RAP1B: variants seen among roughly 807,000 people sequenced by gnomAD.
RAP1B encodes RAP1B, member of RAS oncogene family.
In RAP1B, 1 loss-of-function variant was observed where a neutral mutation model predicts 27.5. That is an observed-to-expected ratio of 0.04 (90% CI 0.01 to 0.17). RAP1B has a LOEUF of 0.17. RAP1B is among the 10% of genes least tolerant of loss of function. The pLI, the probability that RAP1B is intolerant of heterozygous loss-of-function variation, is 1.00. For synonymous variants in RAP1B, 75 were observed against 73.1 expected (o/e 1.03, Z -0.13); for missense variants, 84 against 214.8 (o/e 0.39, Z 3.81).
In RAP1B at chr12:68,665,498, A is replaced by T. The variant is rs976725251; in HGVS notation, c.*6249A>T. On this transcript the variant is annotated 3_prime_UTR_variant, in exon 8 of 8. Transcript: ENST00000250559. ...AAAGCCTGGCCTAAACAGTCTTGGGATGGGGAGAAGGGTTGGAGTACAAAG... is the reference window on the plus strand; with the variant it reads ...AAAGCCTGGCCTAAACAGTCTTGGGTTGGGGAGAAGGGTTGGAGTACAAAG... 1 of 152,204 alleles carries T rather than the reference A, an allele frequency of 6.6e-6. No homozygotes were observed. 9.4% of individuals were successfully genotyped at this position (152,204 alleles called of 1,614,324 possible).
chr12:68,632,160 T>TTTTTTTTTTTTTTC, intron 1 of RAP1B, among the ~76,000 whole-genome samples: 1 of 144,724 alleles, frequency 6.9e-6, no homozygotes, highest in Non-Finnish European at 1.5e-5. Flanking sequence ...GTTTTTTTTT[T>TTTTTTTTTTTTTTC]CCAGACTGTT....
At chr12:68,628,173 A>G (rs776647386) in intron 1 of RAP1B, among the ~76,000 whole-genome samples, 76 of 152,298 alleles carry the variant, frequency 5.0e-4, no homozygotes, top group Non-Finnish European at 9.0e-4. Context: ...GGGCACAAGT[A>G]CTTGACCTAG....
chr12:68,657,725 A>AACACACACACACACACACAC (rs61700927), intron 7 of RAP1B: 1 of 126,158 alleles, frequency 7.9e-6, no homozygotes, highest in Admixed American at 8.2e-5. Flanking sequence ...CCTAATTTAA[A>AACACACACACACACACACAC]ACACACACAC....
chr12:68,615,876 G>A (rs777283676), intron 1 of RAP1B, among the ~76,000 whole-genome samples: 57 of 151,620 alleles, frequency 3.8e-4, no homozygotes, highest in Middle Eastern at 3.2e-3. Flanking sequence ...TTTTTTTTCC[G>A]GTACTGGGGG....
intron 1 of RAP1B, among the ~76,000 whole-genome samples, chr12:68,647,375 A>ACCCC (rs1873488204): frequency 1.4e-4 from 1 of 7,362 alleles, no homozygotes; most frequent in Non-Finnish European, 2.4e-4. Flanking sequence ...CCTGCCCCCC[A>ACCCC]CTCCACTCCC....
intron 6 of RAP1B, 27 bp downstream of exon 6, chr12:68,656,476 T>A: frequency 6.3e-7 from 1 of 1,581,286 alleles, no homozygotes. Context: ...TTAAAATGGG[T>A]CTTCATTTGA....
At chr12:68,656,584 A>T in intron 6 of RAP1B, 135 bp downstream of exon 6, 3 of 798,612 alleles carry the variant, frequency 3.8e-6, no homozygotes, top group Non-Finnish European at 6.1e-6. Context: ...AAAAACCCTC[A>T]TGTTAAATGT....
chr12:68,631,424 A>G (rs1872231364), intron 1 of RAP1B, among the ~76,000 whole-genome samples: 1 of 152,154 alleles, frequency 6.6e-6, no homozygotes, highest in African/African-American at 2.4e-5. Flanking sequence ...CGTTAATTTA[A>G]AAGTATCTTT....
intron 1 of RAP1B, chr12:68,642,749 T>C (rs1397609598): frequency 8.4e-6 from 9 of 1,072,574 alleles, no homozygotes; most frequent in Non-Finnish European, 1.2e-5. Context: ...ATATTTATCC[T>C]CTGGCACGGG....
chr12:68,632,857 A>G (rs1386677844), intron 1 of RAP1B, among the ~76,000 whole-genome samples: 1 of 152,148 alleles, frequency 6.6e-6, no homozygotes, highest in African/African-American at 2.4e-5. Context: ...TTTTTTAGAG[A>G]TGATGCCTCA....
rs1186802128 is a variant in RAP1B, at chr12:68,657,082, C to T, written c.469-19C>T. Reference sequence around the variant, plus strand: ...TAGGTGTTCCTCCTGTAAATTAAAACAAATTATTGTATTTGCAGATCTTTT... The same window carrying T: ...TAGGTGTTCCTCCTGTAAATTAAAATAAATTATTGTATTTGCAGATCTTTT... On this transcript the variant is annotated intron_variant, in intron 6 of 7. Coordinates refer to ENST00000250559, the MANE Select transcript of RAP1B (RefSeq NM_001010942.3). 1 of 1,601,364 alleles carries T rather than the reference C, an allele frequency of 6.2e-7. No individual in the cohort carries two copies. The highest frequency in any genetic ancestry group is 8.5e-7 in the Non-Finnish European group (1 of 1,170,454).
chr12:68,638,913 G>A (rs1409201982), intron 1 of RAP1B, among the ~76,000 whole-genome samples: 6 of 152,042 alleles, frequency 3.9e-5, no homozygotes, highest in African/African-American at 1.4e-4. Context: ...TGCCTGCCTC[G>A]GCCCCGCAAA....
At chr12:68,641,355 C>T (rs1489454896) in intron 1 of RAP1B, among the ~76,000 whole-genome samples, 1 of 152,268 alleles carries the variant, frequency 6.6e-6, no homozygotes, top group African/African-American at 2.4e-5. Context: ...CCACTGAAAC[C>T]GGACTCTCGA....
At chr12:68,620,307 T>A (rs1021486619) in intron 1 of RAP1B, among the ~76,000 whole-genome samples, 1 of 152,016 alleles carries the variant, frequency 6.6e-6, no homozygotes, top group Non-Finnish European at 1.5e-5. Context: ...CATTGTAACC[T>A]CCTCCTCCCA....
chr12:68,618,498 A>T (rs1871177096), intron 1 of RAP1B, among the ~76,000 whole-genome samples: 1 of 152,192 alleles, frequency 6.6e-6, no homozygotes, highest in Admixed American at 6.5e-5. Context: ...AATTACCTAG[A>T]TCAGTATTTT....
At chr12:68,640,567 G>A (rs980525004) in intron 1 of RAP1B, among the ~76,000 whole-genome samples, 6 of 152,132 alleles carry the variant, frequency 3.9e-5, no homozygotes, top group South Asian at 2.1e-4. Context: ...TTTCTGACCA[G>A]CACAGTTCTT....
At chr12:68,642,958 G>T in intron 1 of RAP1B, 1 of 840,332 alleles carries the variant, frequency 1.2e-6, no homozygotes, top group Non-Finnish European at 2.1e-6. Flanking sequence ...AAGCTACTCA[G>T]TCAGTGGTTT....
chr12:68,657,462 T>G (rs1365603673), intron 7 of RAP1B: 1 of 246,356 alleles, frequency 4.1e-6, no homozygotes, highest in Non-Finnish European at 7.8e-6. Flanking sequence ...TGGAGTGCAG[T>G]GGCGCAATAT....
At chr12:68,651,908 A>T in intron 3 of RAP1B, 87 bp from the exon 4 acceptor site, 1 of 1,030,928 alleles carries the variant, frequency 9.7e-7, no homozygotes, top group Non-Finnish European at 1.5e-6. Flanking sequence ...TGTGTGTCTT[A>T]TTTTTGATAC....
Sources: allele counts gnomAD v4.1 joint callset (sites outside exome capture counted in the v4.1 genomes callset), GRCh38; gene constraint gnomAD v4.1.1; transcripts MANE v1.5; gene names NCBI Gene and HGNC (gene_info 2026-07-23, HGNC 2026-07-21).